Variants in NPAS3 observed in about 807,000 individuals in gnomAD.
The protein encoded by NPAS3 is neuronal PAS domain-containing protein 3.
In NPAS3, 14 loss-of-function variants were observed where a neutral mutation model predicts 73.1. The ratio of observed to expected loss-of-function variants is 0.19; its 90% CI spans 0.13 to 0.30. NPAS3 has a LOEUF of 0.30. Ranked by LOEUF, NPAS3 falls within the 10% of genes least tolerant of loss-of-function variation. The pLI is 1.00. For missense variants in NPAS3, 1,096 were observed against 1,250.0 expected (o/e 0.88, Z 1.86); for synonymous variants, 620 against 541.5 (o/e 1.14, Z -2.01).
At chr14:33,334,245 G>A (rs1207822389) in intron 3 of NPAS3, among the ~76,000 whole-genome samples, 1 of 151,936 alleles carries the variant, frequency 6.6e-6, no homozygotes, top group African/African-American at 2.4e-5. Context: ...TTTATATACT[G>A]TGCAATTCAC....
intron 4 of NPAS3, among the ~76,000 whole-genome samples, chr14:33,482,593 A>C (rs565901265): frequency 1.3e-5 from 2 of 152,244 alleles, no homozygotes; most frequent in South Asian, 4.2e-4. Flanking sequence ...ATTTTCAGAG[A>C]GTTGAGGAGC....
At chr14:33,462,073 T>A (rs1463467422) in intron 4 of NPAS3, among the ~76,000 whole-genome samples, 1 of 152,190 alleles carries the variant, frequency 6.6e-6, no homozygotes. Flanking sequence ...GTACTCTCCA[T>A]GACTGAGCAT....
At chr14:33,720,284 T>C (rs2061070514) in intron 6 of NPAS3, among the ~76,000 whole-genome samples, 1 of 152,142 alleles carries the variant, frequency 6.6e-6, no homozygotes, top group Admixed American at 6.5e-5. Flanking sequence ...GCTTCACAGA[T>C]TCCAACTGCG....
intron 1 of NPAS3, among the ~76,000 whole-genome samples, chr14:32,945,730 T>G (rs2036222718): frequency 6.6e-6 from 1 of 152,208 alleles, no homozygotes; most frequent in African/African-American, 2.4e-5. Context: ...TTTTGGTCCT[T>G]CATCAGATGT....
intron 3 of NPAS3, among the ~76,000 whole-genome samples, chr14:33,333,855 A>C (rs893358422): frequency 2.6e-5 from 4 of 152,200 alleles, no homozygotes; most frequent in Non-Finnish European, 5.9e-5. Context: ...ATTTGGAAGA[A>C]ATCAGAAAAG....
intron 3 of NPAS3, among the ~76,000 whole-genome samples, chr14:33,325,565 G>A (rs769394969): frequency 1.3e-5 from 2 of 150,026 alleles, no homozygotes; most frequent in Non-Finnish European, 3.0e-5. Flanking sequence ...AGAATCACTT[G>A]AAACCCAGGA....
chr14:33,211,319 G>A (rs992889953), intron 2 of NPAS3, among the ~76,000 whole-genome samples: 1 of 152,148 alleles, frequency 6.6e-6, no homozygotes, highest in Non-Finnish European at 1.5e-5. Context: ...GGTGGCTCAC[G>A]TCAGTAATTC....
At chr14:33,130,603 G>A (rs923374909) in intron 2 of NPAS3, among the ~76,000 whole-genome samples, 2 of 152,102 alleles carry the variant, frequency 1.3e-5, no homozygotes, top group Admixed American at 1.3e-4. Context: ...TCTTTATGCT[G>A]TTTGTGCAAA....
intron 5 of NPAS3, among the ~76,000 whole-genome samples, chr14:33,649,050 G>A (rs1297649862): frequency 6.6e-6 from 1 of 152,098 alleles, no homozygotes; most frequent in Non-Finnish European, 1.5e-5. Flanking sequence ...CCCTATACAG[G>A]CAATAACTCA....
At chr14:33,651,965 C>A (rs1158747563) in intron 5 of NPAS3, among the ~76,000 whole-genome samples, 1 of 152,132 alleles carries the variant, frequency 6.6e-6, no homozygotes, top group Non-Finnish European at 1.5e-5. Flanking sequence ...CCCATACAAC[C>A]AGTCATGAGG....
chr14:33,529,482 A>G (rs1179997647), intron 4 of NPAS3, among the ~76,000 whole-genome samples: 1 of 152,114 alleles, frequency 6.6e-6, no homozygotes, highest in Non-Finnish European at 1.5e-5. Flanking sequence ...GGCAGACTGA[A>G]TTACTGTTTC....
At chr14:33,505,991 G>A (rs565430266) in intron 4 of NPAS3, among the ~76,000 whole-genome samples, 38 of 151,872 alleles carry the variant, frequency 2.5e-4, no homozygotes, top group Admixed American at 1.6e-3. Flanking sequence ...ATATCCACGC[G>A]TTCTTTCTTC....
At position 33,615,897 on chromosome 14, in the gene NPAS3, C is replaced by T. The variant is rs146614261; in HGVS notation, c.558+55687C>T. Among the ~76,000 whole-genome samples, 22 of 152,284 alleles carry T rather than the reference C, an allele frequency of 1.4e-4. No individual in the cohort carries two copies. In the East Asian group the frequency reaches 4.1e-3, roughly 28 times the overall value. ...AAATACCCGAGGCAAAAATGTTGCC[C>T]TATTTATGGCAGTACGTTCTTTGGC... On this transcript the variant is annotated intron_variant, in intron 5 of 11. Coordinates refer to ENST00000356141, the Ensembl canonical transcript of NPAS3.
chr14:33,299,844 C>A (rs147364302), intron 3 of NPAS3, among the ~76,000 whole-genome samples: 462 of 151,972 alleles, frequency 3.0e-3, no homozygotes, highest in Middle Eastern at 0.01. Context: ...ATTATTATAG[C>A]AGTTAGGTTC....
intron 5 of NPAS3, among the ~76,000 whole-genome samples, chr14:33,655,631 G>C (rs1054018791): frequency 5.3e-5 from 8 of 152,102 alleles, no homozygotes; most frequent in African/African-American, 1.9e-4. Context: ...CTTGGAAAAA[G>C]GAAGTGGATG....
At chr14:33,007,376 C>A (rs2039036776) in intron 1 of NPAS3, among the ~76,000 whole-genome samples, 1 of 152,076 alleles carries the variant, frequency 6.6e-6, no homozygotes, top group South Asian at 2.1e-4. Flanking sequence ...ACATCATTTT[C>A]TAAAAAATTG....
chr14:33,687,640 A>G (rs988917749), intron 6 of NPAS3, among the ~76,000 whole-genome samples: 1 of 152,234 alleles, frequency 6.6e-6, no homozygotes, highest in Admixed American at 6.5e-5. Context: ...AATTTGACCA[A>G]TATTTAGGAA....
At chr14:33,427,872 G>T (rs1295350220) in intron 4 of NPAS3, among the ~76,000 whole-genome samples, 2 of 152,028 alleles carry the variant, frequency 1.3e-5, no homozygotes, top group Non-Finnish European at 1.5e-5. Context: ...ATATATCTTG[G>T]TAGTAATGTT....
chr14:33,545,182 C>T (rs2054782586), intron 4 of NPAS3, among the ~76,000 whole-genome samples: 1 of 152,042 alleles, frequency 6.6e-6, no homozygotes, highest in Non-Finnish European at 1.5e-5. Flanking sequence ...TTATCTCAGA[C>T]ATGACTATTG....
Sources: allele counts gnomAD v4.1 joint callset (sites outside exome capture counted in the v4.1 genomes callset), GRCh38; gene constraint gnomAD v4.1.1; transcripts MANE v1.5; gene names NCBI Gene and HGNC (gene_info 2026-07-23, HGNC 2026-07-21).